Variants in CFTR observed in about 807,000 individuals in gnomAD.
CFTR encodes cystic fibrosis transmembrane conductance regulator.
In CFTR, 181 loss-of-function variants were observed where a neutral mutation model predicts 171.6. The ratio of observed to expected loss-of-function variants is 1.05; its 90% CI spans 0.93 to 1.19. The LOEUF is 1.19. Among genes scored for constraint, CFTR ranks in the 50% most tolerant of loss-of-function variants. CFTR has a pLI of 0.00. For missense variants in CFTR, 1,968 were observed against 1,734.7 expected (o/e 1.13, Z -2.39); for synonymous variants, 583 against 608.0 (o/e 0.96, Z 0.60).
At chr7:117,644,860 A>T (rs1792975051) in intron 23 of CFTR, among the ~76,000 whole-genome samples, 1 of 152,192 alleles carries the variant, frequency 6.6e-6, no homozygotes, top group African/African-American at 2.4e-5. Flanking sequence ...GGAGACAATG[A>T]GGCTAATCAT....
intron 23 of CFTR, among the ~76,000 whole-genome samples, chr7:117,652,020 T>C (rs140403609): frequency 6.6e-6 from 1 of 152,288 alleles, no homozygotes; most frequent in Non-Finnish European, 1.5e-5. Flanking sequence ...TATTTTCAAT[T>C]CACCCCAGGC....
chr7:117,509,378 G>T (rs2116642131), intron 3 of CFTR, among the ~76,000 whole-genome samples: 1 of 152,210 alleles, frequency 6.6e-6, no homozygotes, highest in Non-Finnish European at 1.5e-5. Context: ...AAAATAAATT[G>T]CTTGCTTAAA....
In CFTR at chr7:117,610,417, A is replaced by C. The variant is rs994467874; in HGVS notation, c.2989-102A>C. On this transcript the variant is annotated intron_variant, in intron 18 of 26. Coordinates refer to ENST00000003084, the MANE Select transcript of CFTR (RefSeq NM_000492.4). The stretch of plus-strand genomic sequence containing the variant: ...AAATAAAAAAAAGTTTGAGGTGTTT[A>C]AAGTATGCAAAAAAAAAAAAAGAAA... The C allele has an allele frequency of 3.9e-6, 4 of 1,032,292 alleles. No individual in the cohort carries two copies. The East Asian group carries it at 7.5e-5, about 19-fold the overall frequency. The allele number at this position is 1,032,292 out of a possible 1,614,324, so 63.9% of individuals were successfully genotyped here.
intron 15 of CFTR, among the ~76,000 whole-genome samples, chr7:117,601,354 G>T (rs1792221832): frequency 1.3e-5 from 2 of 152,040 alleles, no homozygotes; most frequent in Admixed American, 1.3e-4. Flanking sequence ...ACAGTGCATA[G>T]AAGCTCTGTG....
At chr7:117,600,173 C>T (rs1290328145) in intron 15 of CFTR, among the ~76,000 whole-genome samples, 2 of 151,916 alleles carry the variant, frequency 1.3e-5, no homozygotes, top group African/African-American at 4.8e-5. Flanking sequence ...TTAGCACTTA[C>T]CATTTTGGAA....
rs117340658 is a variant in CFTR, at chr7:117,514,383, C to T, written c.273+5241C>T. On this transcript the variant is annotated intron_variant, in intron 3 of 26. Transcript: ENST00000003084. ...TCCACCTGTTCTCAATGTTCAACTC[C>T]CTTTTACGAGTGAGAACACATGGTG... Among the ~76,000 whole-genome samples, 962 of 152,182 alleles carry T rather than the reference C, an allele frequency of 6.3e-3. 4 individuals are homozygous for T. The highest frequency in any genetic ancestry group is 0.01 in the Middle Eastern group (3 of 294).
intron 2 of CFTR, among the ~76,000 whole-genome samples, chr7:117,508,273 GA>G (rs1385564425): frequency 2.6e-5 from 4 of 152,034 alleles, no homozygotes; most frequent in African/African-American, 9.7e-5. Context: ...TTTGTGAAGA[GA>G]AAAAAGGCTT....
At position 117,667,982 on chromosome 7, in the gene CFTR, C is replaced by T. The variant is rs1009495937; in HGVS notation, c.*874C>T. 2 of 152,238 alleles carry T rather than the reference C, an allele frequency of 1.3e-5. No homozygotes were observed. The highest frequency in any genetic ancestry group is 2.9e-5 in the Non-Finnish European group (2 of 68,102). The allele number at this position is 152,238 out of a possible 1,614,324, so 9.4% of individuals were successfully genotyped here. On this transcript the variant is annotated 3_prime_UTR_variant, in exon 27 of 27. Coordinates refer to ENST00000003084, the MANE Select transcript of CFTR (RefSeq NM_000492.4). Reference sequence around the variant, plus strand: ...TAGTGCAAATTGTCACAGGACAGCCCTTCTTTCCACAGAAGCTCCAGGTAG... The same window carrying T: ...TAGTGCAAATTGTCACAGGACAGCCTTTCTTTCCACAGAAGCTCCAGGTAG...
chr7:117,649,290 G>GTGTGTGTGTGTGTATA (rs1325474180), intron 23 of CFTR, among the ~76,000 whole-genome samples: 1 of 150,394 alleles, frequency 6.6e-6, no homozygotes, highest in Non-Finnish European at 1.5e-5. Context: ...GTGTGTGTGT[G>GTGTGTGTGTGTGTATA]TGTGTGTGTG....
chr7:117,559,002 C>A (rs1223744759), intron 10 of CFTR, among the ~76,000 whole-genome samples: 2 of 152,142 alleles, frequency 1.3e-5, no homozygotes, highest in Non-Finnish European at 2.9e-5. Flanking sequence ...CTCATGGGAA[C>A]AATATTACCT....
At position 117,521,834 on chromosome 7, in the gene CFTR, T is replaced by A. The variant is rs1453997192; in HGVS notation, c.274-9065T>A. On this transcript the variant is annotated intron_variant, in intron 3 of 26. Transcript: ENST00000003084. ...TTACAAGCATGAGTTCAGGTTTCTA[T>A]TTTTTTCACCTGAACTTTCCTTCAT... Among the ~76,000 whole-genome samples, 3 of 152,162 alleles carry A rather than the reference T, an allele frequency of 2.0e-5. No individual in the cohort carries two copies. The East Asian group carries it at 5.8e-4, about 29-fold the overall frequency.
At chr7:117,555,781 C>A (rs1799342872) in intron 10 of CFTR, among the ~76,000 whole-genome samples, 2 of 152,122 alleles carry the variant, frequency 1.3e-5, no homozygotes, top group African/African-American at 2.4e-5. Flanking sequence ...TGCAGCTATG[C>A]CAGCAGGTGT....
Position 117,603,799 on chromosome 7 carries a change from A to G in CFTR, c.2908+17A>G, listed in dbSNP as rs1436533168. On this transcript the variant is annotated intron_variant, in intron 17 of 26. Coordinates refer to ENST00000003084, the MANE Select transcript of CFTR (RefSeq NM_000492.4). Reference sequence around the variant, plus strand: ...TGAAAGCAGGTACTTTACTAGGTCTAAGAAATGAAACTGCTGATCCACCAT... The same window carrying G: ...TGAAAGCAGGTACTTTACTAGGTCTGAGAAATGAAACTGCTGATCCACCAT... The G allele has an allele frequency of 2.5e-6, 4 of 1,612,650 alleles. No homozygotes were observed. In the African/African-American group the frequency reaches 4.0e-5, roughly 16 times the overall value.
intron 22 of CFTR, among the ~76,000 whole-genome samples, chr7:117,638,143 G>A (rs549944519): frequency 3.9e-4 from 59 of 152,260 alleles, no homozygotes; most frequent in Admixed American, 1.1e-3. Context: ...TGTTTTGTAA[G>A]TTGTGATTCT....
chr7:117,583,034 T>C, intron 11 of CFTR, among the ~76,000 whole-genome samples: 1 of 152,286 alleles, frequency 6.6e-6, no homozygotes, highest in East Asian at 1.9e-4. Context: ...TTGACTTGTT[T>C]AAAATATAAA....
At chr7:117,613,098 G>T (rs1033553836) in intron 20 of CFTR, among the ~76,000 whole-genome samples, 3 of 152,160 alleles carry the variant, frequency 2.0e-5, no homozygotes, top group Middle Eastern at 3.4e-3. Flanking sequence ...GAATATACAT[G>T]GGCAGGCAAA....
chr7:117,517,995 G>T (rs1171924946), intron 3 of CFTR, among the ~76,000 whole-genome samples: 1 of 152,006 alleles, frequency 6.6e-6, no homozygotes, highest in Non-Finnish European at 1.5e-5. Context: ...CTCCCATTCT[G>T]TAAGTTGCCT....
Position 117,627,782 on chromosome 7 carries a change from A to G in CFTR, c.3717+12A>G. Reference sequence around the variant, plus strand: ...GTCCTGGCCAGAGGGTGAGATTTGAACACTGCTTGCTTTGTTAGACTGTGT... The same window carrying G: ...GTCCTGGCCAGAGGGTGAGATTTGAGCACTGCTTGCTTTGTTAGACTGTGT... On this transcript the variant is annotated intron_variant, in intron 22 of 26. Coordinates refer to ENST00000003084, the MANE Select transcript of CFTR (RefSeq NM_000492.4). The G allele has an allele frequency of 6.2e-7, 1 of 1,608,628 alleles. No homozygotes were observed. Among genetic ancestry groups the G allele is most frequent in the East Asian group, 2.2e-5 (1 of 44,832 alleles).
chr7:117,535,206 A>G (rs774219669), intron 5 of CFTR, 42 bp from the exon 6 acceptor site: 1 of 1,605,422 alleles, frequency 6.2e-7, no homozygotes, highest in Non-Finnish European at 8.5e-7. Context: ...TAGGGGTGGA[A>G]GATACAATGA....
Sources: gnomAD v4.1 joint callset for allele counts (sites outside exome capture counted in the v4.1 genomes callset) on GRCh38, gnomAD v4.1.1 for gene constraint, MANE v1.5 for transcripts, NCBI Gene and HGNC (gene_info 2026-07-23, HGNC 2026-07-21) for gene names.